The following FLRT1 variants were observed in gnomAD, a reference collection of about 807,000 sequenced individuals.
The protein encoded by FLRT1 is leucine-rich repeat transmembrane protein FLRT1.
In FLRT1, 14 loss-of-function variants were observed where a neutral mutation model predicts 30.9. The ratio of observed to expected loss-of-function variants is 0.45; its 90% CI spans 0.30 to 0.71. The LOEUF (loss-of-function observed/expected upper bound fraction) is 0.71. FLRT1 is among the 30% of genes least tolerant of loss of function. The pLI, the probability that FLRT1 is intolerant of heterozygous loss-of-function variation, is 0.08. For missense variants in FLRT1, 737 were observed against 949.2 expected (o/e 0.78, Z 2.94); for synonymous variants, 368 against 430.4 (o/e 0.85, Z 1.80).
chr11:64,095,108 C>G (rs1417035792), intron 1 of FLRT1, among the ~76,000 whole-genome samples: 1 of 152,204 alleles, frequency 6.6e-6, no homozygotes, highest in Non-Finnish European at 1.5e-5. Context: ...CTAAGGAAAC[C>G]TCAGAGGAAA....
chr11:64,100,239 T>C (rs930668961), intron 1 of FLRT1, among the ~76,000 whole-genome samples: 2 of 152,168 alleles, frequency 1.3e-5, no homozygotes, highest in African/African-American at 4.8e-5. Flanking sequence ...ATGGGCAGAT[T>C]CGGCCAAAAC....
intron 1 of FLRT1, among the ~76,000 whole-genome samples, chr11:64,095,971 TC>T (rs1944569029): frequency 2.3e-5 from 1 of 44,040 alleles, no homozygotes; most frequent in Non-Finnish European, 7.1e-5. Context: ...CCAGCAGTGG[TC>T]CCCCCACCCC....
intron 1 of FLRT1, among the ~76,000 whole-genome samples, chr11:64,089,212 T>C (rs1369773738): frequency 6.6e-6 from 1 of 152,128 alleles, no homozygotes; most frequent in African/African-American, 2.4e-5. Context: ...GCTGAGGGGC[T>C]GGCATTGCAC....
intron 1 of FLRT1, among the ~76,000 whole-genome samples, chr11:64,044,650 C>G (rs1565207127): frequency 6.6e-6 from 1 of 152,136 alleles, no homozygotes; most frequent in Non-Finnish European, 1.5e-5. Flanking sequence ...GGAAGGGGAA[C>G]CACGTTCATT....
At chr11:64,101,677 C>T (rs1944673392) in intron 1 of FLRT1, among the ~76,000 whole-genome samples, 1 of 152,186 alleles carries the variant, frequency 6.6e-6, no homozygotes, top group Non-Finnish European at 1.5e-5. Context: ...AATAAGGGCT[C>T]GTGCTAGAGC....
At chr11:64,083,460 A>G (rs964175489) in intron 1 of FLRT1, among the ~76,000 whole-genome samples, 3 of 152,184 alleles carry the variant, frequency 2.0e-5, no homozygotes, top group Non-Finnish European at 4.4e-5. Flanking sequence ...CAAAAATAAA[A>G]GAAGCAAATG....
At chr11:64,045,054 T>C (rs976126963) in intron 1 of FLRT1, among the ~76,000 whole-genome samples, 2 of 152,186 alleles carry the variant, frequency 1.3e-5, no homozygotes, top group Non-Finnish European at 2.9e-5. Context: ...GCAGAGGCAT[T>C]GTGAGCAGTC....
chr11:64,118,026 G>A lies in FLRT1; in HGVS notation c.1759G>A (p.Glu587Lys), dbSNP rs2134624749. 1 of 1,613,680 alleles carries A rather than the reference G, an allele frequency of 6.2e-7. No homozygotes were observed. Among genetic ancestry groups the A allele is most frequent in the Non-Finnish European group, 8.5e-7 (1 of 1,179,946 alleles). ...CCAGGCTGGCGAGCTGCTGACCCGG[G>A]AGAGGGCCTACAACCGGGGCAGCAG... is the stretch of plus-strand genomic sequence containing the variant. ...VHQAGELLTR[E>K]RAYNRGSRKK... Residue 587 changes from glutamate to lysine, a missense_variant, in exon 3 of 3, where the codon GAG (glutamate) becomes AAG (lysine). Transcript: ENST00000682287.
chr11:64,094,706 G>T (rs1944547583), intron 1 of FLRT1, among the ~76,000 whole-genome samples: 2 of 152,326 alleles, frequency 1.3e-5, no homozygotes, highest in African/African-American at 4.8e-5. Context: ...GTTCAGGGAG[G>T]CTGACCACAG....
chr11:64,056,559 A>G (rs952565104), intron 1 of FLRT1, among the ~76,000 whole-genome samples: 4 of 152,302 alleles, frequency 2.6e-5, no homozygotes, highest in Non-Finnish European at 4.4e-5. Context: ...CCTGGCCCAA[A>G]CCTCATGCCC....
At chr11:64,060,032 G>A (rs1206429038) in intron 1 of FLRT1, among the ~76,000 whole-genome samples, 1 of 152,358 alleles carries the variant, frequency 6.6e-6, no homozygotes, top group South Asian at 2.1e-4. Context: ...CCACACGGCA[G>A]GGGGGAATGG....
chr11:64,048,300 G>A (rs972594922), intron 1 of FLRT1, among the ~76,000 whole-genome samples: 1 of 152,244 alleles, frequency 6.6e-6, no homozygotes, highest in African/African-American at 2.4e-5. Context: ...CCCATGGGAG[G>A]TGCAGACAGA....
At position 64,116,775 on chromosome 11, in the gene FLRT1, G is replaced by A. The variant is rs1055907210; in HGVS notation, c.508G>A (p.Glu170Lys). Residue 170 changes from glutamate to lysine, a missense_variant, in exon 3 of 3, where the codon GAG becomes AAG. By Grantham distance (56) the Glu-to-Lys change is moderately conservative. Coordinates refer to ENST00000682287, the MANE Select transcript of FLRT1 (RefSeq NM_013280.5). Reference protein sequence around the residue: ...DNSVSTVSIEEDAFADSKQLK... With the variant: ...DNSVSTVSIEKDAFADSKQLK... ...CTCCGTGTCCACCGTCAGCATTGAGGAGGACGCCTTCGCCGACAGCAAACA... is the reference window on the plus strand; with the variant it reads ...CTCCGTGTCCACCGTCAGCATTGAGAAGGACGCCTTCGCCGACAGCAAACA... 9.3e-6 allele frequency: 15 copies of A among 1,613,632 alleles called. No individual in the cohort carries two copies. The highest frequency in any genetic ancestry group is 1.2e-5 in the Non-Finnish European group (14 of 1,180,034).
At chr11:64,063,583 G>A (rs1943943266) in intron 1 of FLRT1, among the ~76,000 whole-genome samples, 1 of 152,152 alleles carries the variant, frequency 6.6e-6, no homozygotes, top group Non-Finnish European at 1.5e-5. Context: ...CCTCTTCCCC[G>A]GCGTCTCTTC....
At position 64,096,443 on chromosome 11, in the gene FLRT1, C is replaced by T. The variant is rs576208928; in HGVS notation, c.-1037-6751C>T. Among the ~76,000 whole-genome samples the T allele has an allele frequency of 2.0e-5, 3 of 151,640 alleles. No homozygotes were observed. The highest frequency in any genetic ancestry group is 1.9e-4 in the East Asian group (1 of 5,162). ...CTTTTTTTTTTTTGAGACTGAGTCT[C>T]GCTGTGCTGCCCAGGATGATGAAGT... On this transcript the variant is annotated intron_variant, in intron 1 of 2. Transcript: ENST00000682287. The surrounding 1 kb of genome is among the most constrained non-coding windows in gnomAD (Gnocchi z 4.6).
chr11:64,118,950 T>C lies in FLRT1; in HGVS notation c.*658T>C, dbSNP rs1480012676. 1 of 167,114 alleles carries C rather than the reference T, an allele frequency of 6.0e-6. No individual in the cohort carries two copies. Among genetic ancestry groups the C allele is most frequent in the Non-Finnish European group, 1.5e-5 (1 of 68,094 alleles). The allele number at this position is 167,114 out of a possible 1,614,324, so 10.4% of individuals were successfully genotyped here. ...ATTAAAAAAAAAAAACAAACTTTTT[T>C]TTCCTAGGCTGAAGCCCTCTTCAGT... On this transcript the variant is annotated 3_prime_UTR_variant, in exon 3 of 3. Transcript: ENST00000682287.
At chr11:64,112,859 A>G (rs1240421658) in intron 2 of FLRT1, among the ~76,000 whole-genome samples, 1 of 152,234 alleles carries the variant, frequency 6.6e-6, no homozygotes, top group Non-Finnish European at 1.5e-5. Context: ...CTGCCTGGGC[A>G]GAGACCCTGT....
At chr11:64,088,470 C>T (rs376458014) in intron 1 of FLRT1, among the ~76,000 whole-genome samples, 35 of 152,294 alleles carry the variant, frequency 2.3e-4, no homozygotes, top group African/African-American at 5.5e-4. Flanking sequence ...GCAGGGCAGG[C>T]GCTCAGGAGC....
intron 1 of FLRT1, among the ~76,000 whole-genome samples, chr11:64,069,893 G>A (rs761002220): frequency 2.0e-5 from 3 of 152,264 alleles, no homozygotes; most frequent in East Asian, 1.9e-4. Context: ...TATCTTGGGC[G>A]CCCCTCCCAG....
Sources: gnomAD v4.1 joint callset for allele counts (sites outside exome capture counted in the v4.1 genomes callset) on GRCh38, gnomAD v4.1.1 for gene constraint, Gnocchi (gnomAD v3.1) non-coding constraint, MANE v1.5 for transcripts, NCBI Gene and HGNC (gene_info 2026-07-23, HGNC 2026-07-21) for gene names.